Variants in HSPA12A observed in about 807,000 individuals in gnomAD.
HSPA12A encodes the protein heat shock 70 kDa protein 12A.
HSPA12A carries 28 observed loss-of-function variants against 69.2 expected under a neutral mutation model. The observed-to-expected ratio is 0.40, with a 90% CI of 0.30 to 0.55. The LOEUF is 0.55. Ranked by LOEUF, HSPA12A falls within the 20% of genes least tolerant of loss-of-function variation. The pLI is 0.38. For synonymous variants in HSPA12A, 345 were observed against 370.5 expected (o/e 0.93, Z 0.79); for missense variants, 686 against 900.7 (o/e 0.76, Z 3.05).
chr10:116,744,924 G>A (rs1252952394), upstream of HSPA12A, among the ~76,000 whole-genome samples: 3 of 152,190 alleles, frequency 2.0e-5, no homozygotes, highest in Non-Finnish European at 4.4e-5. Context: ...GCCAGAGAGA[G>A]AGCATGTCAT....
chr10:116,694,349 C>A (rs901454429), intron 5 of HSPA12A, among the ~76,000 whole-genome samples: 2 of 152,204 alleles, frequency 1.3e-5, no homozygotes, highest in East Asian at 3.9e-4. Flanking sequence ...CAGCCCCTGG[C>A]AAGGTCTAGC....
At chr10:116,683,137 C>A (rs1307278890) in intron 7 of HSPA12A, among the ~76,000 whole-genome samples, 1 of 152,064 alleles carries the variant, frequency 6.6e-6, no homozygotes, top group Admixed American at 6.6e-5. Context: ...TTGACCCTGA[C>A]AGGGCGTGTC....
At chr10:116,707,839 C>G (rs1850306805) in intron 1 of HSPA12A, among the ~76,000 whole-genome samples, 1 of 152,126 alleles carries the variant, frequency 6.6e-6, no homozygotes, top group Admixed American at 6.5e-5. Context: ...CTCCCTCCCC[C>G]TGCCAGGGCA....
upstream of HSPA12A, chr10:116,742,716 C>T: frequency 1.8e-6 from 1 of 562,582 alleles, no homozygotes; most frequent in South Asian, 7.8e-5. Context: ...CGGGGAACTG[C>T]CTGGCTCCGG....
intron 1 of HSPA12A, among the ~76,000 whole-genome samples, chr10:116,738,533 T>C (rs982989758): frequency 3.9e-5 from 6 of 152,296 alleles, no homozygotes; most frequent in Admixed American, 3.9e-4. Flanking sequence ...AAGCCCTCAA[T>C]TGCCTTATCA....
intron 1 of HSPA12A, among the ~76,000 whole-genome samples, chr10:116,846,733 T>C (rs1845894815): frequency 6.6e-6 from 1 of 152,164 alleles, no homozygotes; most frequent in Non-Finnish European, 1.5e-5. Flanking sequence ...AAGAAGAAAA[T>C]AAAAGGTCCT....
chr10:116,803,518 G>A (rs868613819), intron 2 of HSPA12A, among the ~76,000 whole-genome samples: 2 of 152,116 alleles, frequency 1.3e-5, no homozygotes, highest in East Asian at 1.9e-4. Context: ...CAGTGTAATC[G>A]CCCTCCCCTT....
rs782396867 is a variant in HSPA12A, at chr10:116,683,881, G to A, written c.745C>T (p.Leu249=). Residue 249 remains leucine, a synonymous_variant, in exon 7 of 12, where the codon CTG becomes TTG. Transcript: ENST00000369209. The stretch of plus-strand genomic sequence containing the variant: ...AGCTCAATCATCTGGTGTAGCCGCA[G>A]CTTTCGGCAGTAGATAGAGGCTGCC... The part of the protein sequence containing the change: ...PEAASIYCRK[L]RLHQMIELSS... 2 of 1,599,486 alleles carry A rather than the reference G, an allele frequency of 1.3e-6. No individual in the cohort carries two copies. Among genetic ancestry groups the A allele is most frequent in the Non-Finnish European group, 1.7e-6 (2 of 1,168,770 alleles).
At chr10:116,784,522 G>A (rs572108452) in intron 2 of HSPA12A, among the ~76,000 whole-genome samples, 1 of 152,362 alleles carries the variant, frequency 6.6e-6, no homozygotes, top group South Asian at 2.1e-4. Context: ...CCTGGACTCT[G>A]TAGGTGCTCA....
intron 1 of HSPA12A, among the ~76,000 whole-genome samples, chr10:116,725,647 G>C (rs1554884883): frequency 6.6e-6 from 1 of 152,182 alleles, no homozygotes; most frequent in Non-Finnish European, 1.5e-5. Flanking sequence ...GCTGGCAGAA[G>C]GAGTGGGGGT....
At chr10:116,705,036 TG>T in intron 3 of HSPA12A, 114 bp downstream of exon 3, 1 of 1,305,732 alleles carries the variant, frequency 7.7e-7, no homozygotes, top group Non-Finnish European at 1.1e-6. Flanking sequence ...TGAGCCAAGC[TG>T]GAACAGAATC....
chr10:116,737,386 G>GA (rs1218336435), intron 1 of HSPA12A, among the ~76,000 whole-genome samples: 2 of 152,122 alleles, frequency 1.3e-5, no homozygotes, highest in Non-Finnish European at 2.9e-5. Flanking sequence ...GTCTACAGCA[G>GA]AAAAAACAGA....
In HSPA12A at chr10:116,675,345, G is replaced by A; in HGVS notation, c.1464C>T (p.Pro488=). The A allele has an allele frequency of 6.2e-7, 1 of 1,612,592 alleles. No individual in the cohort carries two copies. Among genetic ancestry groups the A allele is most frequent in the Non-Finnish European group, 8.5e-7 (1 of 1,179,794 alleles). The change falls in exon 12 of 12, where the codon CCC becomes CCT. Residue 488 remains proline (P), a synonymous_variant. Coordinates refer to ENST00000369209, the MANE Select transcript of HSPA12A (RefSeq NM_025015.3). This position sits in a 1 kb window ranked among gnomAD's most constrained non-coding sequence, Gnocchi z 5.2. The stretch of plus-strand genomic sequence containing the variant: ...CAGCCTGCACCGCCTGCTGCAGCAG[G>A]GGCGCCTCGGCAAAGCCGCCCACCA... The part of the protein sequence containing the change: ...LFLVGGFAEA[P]LLQQAVQAAF...
At position 116,723,739 on chromosome 10, in the gene HSPA12A, G is replaced by A. The variant is rs1554884682; in HGVS notation, c.41-16454C>T. ...GCCTGAGGACCATGAGGACCACTAA[G>A]CCTCAGGTGGGACCAGCAGCCCTGC... is the stretch of plus-strand genomic sequence containing the variant. On this transcript the variant is annotated intron_variant, in intron 1 of 11. Coordinates refer to ENST00000369209, the MANE Select transcript of HSPA12A (RefSeq NM_025015.3). The surrounding 1 kb of genome is among the most constrained non-coding windows in gnomAD (Gnocchi z 4.1). 6.6e-6 allele frequency among the ~76,000 whole-genome samples: 1 copy of A among 152,204 alleles called. No individual in the cohort carries two copies. Among genetic ancestry groups the A allele is most frequent in the East Asian group, 1.9e-4 (1 of 5,182 alleles).
chr10:116,837,492 TGACA>T (rs1161559121), intron 1 of HSPA12A, among the ~76,000 whole-genome samples: 1 of 152,116 alleles, frequency 6.6e-6, no homozygotes, highest in East Asian at 1.9e-4. Flanking sequence ...GCCTACTTAC[TGACA>T]AAGAGCACAG....
chr10:116,821,426 C>T (rs1353037938), intron 2 of HSPA12A, among the ~76,000 whole-genome samples: 1 of 152,154 alleles, frequency 6.6e-6, no homozygotes, highest in African/African-American at 2.4e-5. Context: ...TCAGATGCCA[C>T]CTTCTCAGGA....
At chr10:116,684,844 G>A (rs1185107850) in intron 6 of HSPA12A, among the ~76,000 whole-genome samples, 2 of 152,194 alleles carry the variant, frequency 1.3e-5, no homozygotes, top group African/African-American at 2.4e-5. Flanking sequence ...CATCTGACCA[G>A]TCCCAGTCAC....
chr10:116,789,924 C>A (rs3125621), intron 2 of HSPA12A, among the ~76,000 whole-genome samples: 1 of 151,442 alleles, frequency 6.6e-6, no homozygotes, highest in South Asian at 2.1e-4. Context: ...ACCTCCACAC[C>A]CACTGTCATC....
rs184171209 is a variant in HSPA12A at position 116,787,956 on chromosome 10, T to C, written c.91+46979A>G. ...GGTCTATGGTGGAAGTTGGGGACAG[T>C]GACTTGGCCTGAGGGTCGGGGATAG... On this transcript the variant is annotated intron_variant, in intron 2 of 12. Coordinates refer to the HSPA12A transcript ENST00000635765. Among the ~76,000 whole-genome samples the C allele has an allele frequency of 2.8e-3, 425 of 151,668 alleles. 2 individuals carry two copies. The highest frequency in any genetic ancestry group is 9.6e-3 in the African/African-American group (392 of 40,998).
Sources: gnomAD v4.1 joint callset for allele counts (sites outside exome capture counted in the v4.1 genomes callset) on GRCh38, gnomAD v4.1.1 for gene constraint, Gnocchi (gnomAD v3.1) non-coding constraint, MANE v1.5 for transcripts, NCBI Gene and HGNC (gene_info 2026-07-23, HGNC 2026-07-21) for gene names.